Variants in EEF2KMT observed in about 807,000 individuals in gnomAD.
EEF2KMT encodes the protein protein-lysine N-methyltransferase EEF2KMT.
A neutral mutation model predicts 35.1 loss-of-function variants in EEF2KMT; 30 were observed. The observed-to-expected ratio is 0.85, with a 90% CI of 0.64 to 1.16. The LOEUF is 1.16. Among genes scored for constraint, EEF2KMT ranks in the 50% most tolerant of loss-of-function variants. The pLI, the probability that EEF2KMT is intolerant of heterozygous loss-of-function variation, is 0.00. For synonymous variants in EEF2KMT, 190 were observed against 187.7 expected (o/e 1.01, Z -0.10); for missense variants, 499 against 438.2 (o/e 1.14, Z -1.24).
At chr16:5,091,615 T>C (rs1225850307) in intron 4 of EEF2KMT, among the ~76,000 whole-genome samples, 179 bp downstream of exon 4, 2 of 152,192 alleles carry the variant, frequency 1.3e-5, no homozygotes, top group African/African-American at 2.4e-5. Flanking sequence ...AGACATGCTG[T>C]TGTTGTTGAA....
intron 2 of EEF2KMT, 87 bp from the exon 3 acceptor site, chr16:5,093,651 C>G: frequency 6.3e-7 from 1 of 1,587,814 alleles, no homozygotes; most frequent in East Asian, 2.3e-5. Flanking sequence ...AGGGCAAACT[C>G]CAGGCTACCC....
At chr16:5,092,078 G>A in intron 3 of EEF2KMT, 183 bp from the exon 4 acceptor site, 1 of 1,184,760 alleles carries the variant, frequency 8.4e-7, no homozygotes, top group Non-Finnish European at 1.2e-6. Context: ...AGCTACTCTA[G>A]AGGCTGACAT....
chr16:5,097,112 G>A (rs756756055), intron 1 of EEF2KMT, among the ~76,000 whole-genome samples: 2 of 152,212 alleles, frequency 1.3e-5, no homozygotes, highest in Non-Finnish European at 2.9e-5. Flanking sequence ...GAGAATGGCA[G>A]GTCCCCAGGG....
chr16:5,094,821 C>G (rs1355243625), intron 2 of EEF2KMT, among the ~76,000 whole-genome samples: 1 of 152,190 alleles, frequency 6.6e-6, no homozygotes, highest in Admixed American at 6.5e-5. Flanking sequence ...GGATATCTGC[C>G]TCCTGAGTTT....
At position 5,089,133 on chromosome 16, in the gene EEF2KMT, G is replaced by C. The variant is rs183907128; in HGVS notation, c.866C>G (p.Thr289Arg). ...TAGCTCGGTGGTGAACAGCTGGCAC[G>C]TCTCTGGGTTGCGGACGGTAAAGGC... Reference protein sequence around the residue: ...YVAFTVRNPETCQLFTTELGR... With the variant: ...YVAFTVRNPERCQLFTTELGR... Residue 289 changes from threonine to arginine, a missense_variant, in exon 7 of 8, where the codon ACG becomes AGG. Coordinates refer to ENST00000427587, the MANE Select transcript of EEF2KMT (RefSeq NM_201400.4). The C allele has an allele frequency of 2.5e-6, 4 of 1,612,828 alleles. No homozygotes were observed. Among genetic ancestry groups the C allele is most frequent in the East Asian group, 2.2e-5 (1 of 44,880 alleles).
chr16:5,096,776 A>C (rs538737324), intron 1 of EEF2KMT, among the ~76,000 whole-genome samples: 1 of 152,226 alleles, frequency 6.6e-6, no homozygotes, highest in African/African-American at 2.4e-5. Flanking sequence ...GGTGAGCCCA[A>C]GTTAGCATTC....
chr16:5,087,534 C>T (rs1332705306), intron 7 of EEF2KMT, among the ~76,000 whole-genome samples: 2 of 152,160 alleles, frequency 1.3e-5, no homozygotes, highest in African/African-American at 2.4e-5. Flanking sequence ...CGCAGTAGCT[C>T]ACGCCCGTAT....
At chr16:5,086,165 A>T (rs1957157238) in intron 7 of EEF2KMT, among the ~76,000 whole-genome samples, 1 of 152,120 alleles carries the variant, frequency 6.6e-6, no homozygotes, top group Non-Finnish European at 1.5e-5. Flanking sequence ...GTGAAATCCC[A>T]TCTCTACAAA....
At chr16:5,087,228 T>C (rs1386411888) in intron 7 of EEF2KMT, 1 of 151,990 alleles carries the variant, frequency 6.6e-6, no homozygotes, top group African/African-American at 2.4e-5. Context: ...AGAAAAAAAA[T>C]CACAAAAAAA....
intron 7 of EEF2KMT, among the ~76,000 whole-genome samples, 194 bp from the exon 8 acceptor site, chr16:5,085,926 T>A (rs1287937228): frequency 2.6e-5 from 4 of 152,168 alleles, no homozygotes; most frequent in African/African-American, 9.7e-5. Flanking sequence ...TGGTTTTGCA[T>A]AGAAATGGCT....
chr16:5,089,745 C>A (rs1957300112), intron 6 of EEF2KMT, among the ~76,000 whole-genome samples: 1 of 152,238 alleles, frequency 6.6e-6, no homozygotes, highest in South Asian at 2.1e-4. Flanking sequence ...GGTGGCCCAG[C>A]CAAACACCAC....
In EEF2KMT at chr16:5,084,665, C is replaced by A. The variant is rs1416957738; in HGVS notation, c.*967G>T. 3 of 1,584,484 alleles carry A rather than the reference C, an allele frequency of 1.9e-6. 1 individual carries two copies. In the African/African-American group the frequency reaches 4.0e-5, roughly 21 times the overall value. Reference sequence around the variant, plus strand: ...GACTTGGGAGGGGTTGTTGTTGGGTCGGGGACCTGGGGTCAGCCAGGTGGT... The same window carrying A: ...GACTTGGGAGGGGTTGTTGTTGGGTAGGGGACCTGGGGTCAGCCAGGTGGT... On this transcript the variant is annotated 3_prime_UTR_variant, in exon 8 of 8. Coordinates refer to ENST00000427587, the MANE Select transcript of EEF2KMT (RefSeq NM_201400.4).
intron 2 of EEF2KMT, among the ~76,000 whole-genome samples, chr16:5,095,216 C>A (rs183124489): frequency 1.3e-5 from 2 of 152,232 alleles, no homozygotes; most frequent in Admixed American, 1.3e-4. Context: ...TAGATTCCCC[C>A]CTCTCATTGC....
At chr16:5,091,519 C>G (rs1478183975) in intron 4 of EEF2KMT, among the ~76,000 whole-genome samples, 3 of 152,232 alleles carry the variant, frequency 2.0e-5, no homozygotes, top group Non-Finnish European at 4.4e-5. Flanking sequence ...CCAGCCCTGT[C>G]AAGTATTCTT....
intron 7 of EEF2KMT, chr16:5,087,323 C>G (rs1269716258): frequency 6.6e-6 from 1 of 152,116 alleles, no homozygotes; most frequent in Non-Finnish European, 1.5e-5. Context: ...TAGGTTTTCC[C>G]CTATAGGTAT....
In EEF2KMT at chr16:5,084,844, G is replaced by T. The variant is rs1957095637; in HGVS notation, c.*788C>A. The T allele has an allele frequency of 1.3e-6, 2 of 1,596,340 alleles. No homozygotes were observed. Among genetic ancestry groups the T allele is most frequent in the African/African-American group, 1.3e-5 (1 of 74,856 alleles). ...CAGCAGCTCCGATGGGATGAGAGCT[G>T]GGTGCAGACTGTGCTCCCTTTGGTT... On this transcript the variant is annotated 3_prime_UTR_variant, in exon 8 of 8. Coordinates refer to ENST00000427587, the MANE Select transcript of EEF2KMT (RefSeq NM_201400.4).
chr16:5,095,889 T>C (rs1308017845), intron 1 of EEF2KMT, among the ~76,000 whole-genome samples: 1 of 144,336 alleles, frequency 6.9e-6, no homozygotes, highest in Non-Finnish European at 1.5e-5. Flanking sequence ...ATTATCCTCT[T>C]ACAGGGGCCT....
intron 1 of EEF2KMT, among the ~76,000 whole-genome samples, chr16:5,096,700 C>A (rs1365410315): frequency 6.6e-6 from 1 of 152,184 alleles, no homozygotes; most frequent in African/African-American, 2.4e-5. Flanking sequence ...CTACTGCACC[C>A]TAATCAAACA....
At chr16:5,097,491 C>A in intron 1 of EEF2KMT, 153 bp downstream of exon 1, 1 of 1,433,546 alleles carries the variant, frequency 7.0e-7, no homozygotes, top group Non-Finnish European at 9.2e-7. Flanking sequence ...TGGCCAGGCC[C>A]CAGGGACGGG....
Sources: allele counts gnomAD v4.1 joint callset (sites outside exome capture counted in the v4.1 genomes callset), GRCh38; gene constraint gnomAD v4.1.1; transcripts MANE v1.5; gene names NCBI Gene and HGNC (gene_info 2026-07-23, HGNC 2026-07-21).